Variants in RGS22 observed in about 807,000 individuals in gnomAD.
RGS22 encodes the protein regulator of G protein signaling 22.
Under a neutral mutation model 172.9 loss-of-function variants are expected in RGS22, and 148 were observed. That is an observed-to-expected ratio of 0.86 (90% CI 0.75 to 0.98). RGS22 has a LOEUF of 0.98. Among genes scored for constraint, RGS22 ranks in the 50% least tolerant of loss-of-function variants. The pLI is 0.00. For missense variants in RGS22, 1,347 were observed against 1,440.8 expected, an observed-to-expected ratio of 0.93 and a Z score of 1.05; for synonymous variants, 458 against 480.2, an observed-to-expected ratio of 0.95 and a Z score of 0.60.
At chr8:100,092,916 T>G (rs1812691298) in intron 3 of RGS22, among the ~76,000 whole-genome samples, 1 of 152,192 alleles carries the variant, frequency 6.6e-6, no homozygotes, top group African/African-American at 2.4e-5. Flanking sequence ...AAATTCCACT[T>G]TAAGTTCTAT....
intron 14 of RGS22, among the ~76,000 whole-genome samples, chr8:100,023,338 G>A (rs1231791887): frequency 6.6e-6 from 1 of 152,002 alleles, no homozygotes; most frequent in Non-Finnish European, 1.5e-5. Flanking sequence ...GTACTTCAAG[G>A]GCATGTCAAG....
chr8:99,999,756 C>T (rs1192456635), intron 18 of RGS22, among the ~76,000 whole-genome samples: 1 of 152,164 alleles, frequency 6.6e-6, no homozygotes, highest in Non-Finnish European at 1.5e-5. Context: ...AAAATGAGGA[C>T]ATTAGTCTAT....
intron 3 of RGS22, among the ~76,000 whole-genome samples, chr8:100,083,847 T>G (rs1586244124): frequency 8.0e-6 from 1 of 124,440 alleles, no homozygotes; most frequent in Admixed American, 8.6e-5. Flanking sequence ...TTTTTTTTTT[T>G]TGTTTTTTGT....
intron 20 of RGS22, among the ~76,000 whole-genome samples, chr8:99,989,371 C>T (rs1813438523): frequency 6.6e-6 from 1 of 152,166 alleles, no homozygotes; most frequent in African/African-American, 2.4e-5. Context: ...GGTTTTAAGT[C>T]ACCAAAATGA....
rs754870537 is a variant in RGS22 at position 100,008,495 on chromosome 8, A to C, written c.2241T>G (p.Ile747Met). 4.3e-6 allele frequency: 7 copies of C among 1,613,404 alleles called. No homozygotes were observed. The highest frequency in any genetic ancestry group is 1.3e-5 in the African/African-American group (1 of 74,942). ...IGLQQEKKKE[I>M]YMKIQPPFED... The stretch of plus-strand genomic sequence containing the variant: ...CAAATGGTGGCTGTATTTTCATATA[A>C]ATTTCTTTTTTCTTTTCCTGTTGGA... The change falls in exon 15 of 28, where the codon ATT (isoleucine) becomes ATG (methionine). Residue 747 changes from isoleucine (I) to methionine (M), a missense_variant. Ile to Met is a conservative substitution (Grantham distance 10). Transcript: ENST00000360863.
At position 100,028,276 on chromosome 8, in the gene RGS22, T is replaced by C. The variant is rs115211674; in HGVS notation, c.2166+10655A>G. The stretch of plus-strand genomic sequence containing the variant: ...CTCGGCCATGCACTTAAAAGTACAT[T>C]TGTTATATTTTATCCAGCATTTCTA... On this transcript the variant is annotated intron_variant, in intron 14 of 27. Coordinates refer to ENST00000360863, the MANE Select transcript of RGS22 (RefSeq NM_015668.5). Among the ~76,000 whole-genome samples, 902 of 152,210 alleles carry C rather than the reference T, an allele frequency of 5.9e-3. 6 individuals carry two copies. The highest frequency in any genetic ancestry group is 0.021 in the African/African-American group (863 of 41,534).
intron 3 of RGS22, among the ~76,000 whole-genome samples, chr8:100,083,830 C>CTTTTTTTTTTTTTTTTTTTTT (rs59603032): frequency 1.6e-5 from 2 of 126,048 alleles, no homozygotes; most frequent in Non-Finnish European, 3.3e-5. Context: ...AATTTCTTTT[C>CTTTTTTTTTTTTTTTTTTTTT]TTTTTTTTTT....
chr8:100,038,964 T>C lies in RGS22; in HGVS notation c.2133A>G (p.Thr711=), dbSNP rs1310158222. 6.2e-7 allele frequency: 1 copy of C among 1,612,342 alleles called. No homozygotes were observed. The highest frequency in any genetic ancestry group is 8.5e-7 in the Non-Finnish European group (1 of 1,179,068). The part of the protein sequence containing the change: ...QAYHQLFYQE[T]LQPFKVCKQA... ...GCTTGCATACTTTAAAAGGCTGAAGTGTTTCTTGGTAGAAAAGCTGATGAT... is the reference window on the plus strand; with the variant it reads ...GCTTGCATACTTTAAAAGGCTGAAGCGTTTCTTGGTAGAAAAGCTGATGAT... Residue 711 remains threonine, a synonymous_variant, in exon 14 of 28, where the codon ACA becomes ACG. Coordinates refer to ENST00000360863, the MANE Select transcript of RGS22 (RefSeq NM_015668.5).
At chr8:100,062,286 AC>A (rs1244003010) in intron 9 of RGS22, among the ~76,000 whole-genome samples, 3 of 152,090 alleles carry the variant, frequency 2.0e-5, no homozygotes, top group Admixed American at 2.0e-4. Context: ...CTGCACATGT[AC>A]CCCTGTACTT....
chr8:100,086,020 T>G (rs565940072), intron 3 of RGS22, among the ~76,000 whole-genome samples: 3 of 152,114 alleles, frequency 2.0e-5, no homozygotes, highest in East Asian at 1.9e-4. Context: ...TTAAGGAAGA[T>G]GTATAGGGAA....
At chr8:99,986,257 G>A (rs1259978739) in intron 21 of RGS22, among the ~76,000 whole-genome samples, 2 of 152,038 alleles carry the variant, frequency 1.3e-5, no homozygotes, top group Non-Finnish European at 2.9e-5. Flanking sequence ...TAATATTATA[G>A]TCTCAGCTGA....
At chr8:99,993,855 G>A (rs573343189) in intron 20 of RGS22, among the ~76,000 whole-genome samples, 4 of 152,204 alleles carry the variant, frequency 2.6e-5, no homozygotes, top group South Asian at 2.1e-4. Context: ...ACATCGATGC[G>A]AAAATCCTCA....
intron 16 of RGS22, among the ~76,000 whole-genome samples, chr8:100,005,465 A>G (rs2131351529): frequency 6.6e-6 from 1 of 152,252 alleles, no homozygotes; most frequent in South Asian, 2.1e-4. Flanking sequence ...ATTTAATTTT[A>G]TGGCTTTAAG....
At chr8:100,003,492 G>A (rs1331703311) in intron 17 of RGS22, among the ~76,000 whole-genome samples, 1 of 151,826 alleles carries the variant, frequency 6.6e-6, no homozygotes, top group African/African-American at 2.4e-5. Context: ...AAGGTTCCAA[G>A]ATTCTGGGTA....
At chr8:100,058,586 C>A (rs1416246770) in intron 9 of RGS22, among the ~76,000 whole-genome samples, 1 of 152,044 alleles carries the variant, frequency 6.6e-6, no homozygotes, top group Non-Finnish European at 1.5e-5. Flanking sequence ...AACTTTTGCA[C>A]CAACCTAATA....
intron 10 of RGS22, among the ~76,000 whole-genome samples, chr8:100,051,833 ATGTT>A (rs1296188607): frequency 6.8e-4 from 36 of 53,154 alleles, no homozygotes; most frequent in African/African-American, 3.6e-3. Flanking sequence ...TTATATATAA[ATGTT>A]TATATATTTA....
At chr8:100,038,819 A>T (rs1819784712) in intron 14 of RGS22, 112 bp downstream of exon 14, 2 of 493,034 alleles carry the variant, frequency 4.1e-6, no homozygotes, top group Admixed American at 3.9e-5. Flanking sequence ...GCAACAATTT[A>T]ATTGCTGCCT....
At position 99,965,336 on chromosome 8, in the gene RGS22, T is replaced by A. The variant is rs1810613275; in HGVS notation, c.3614A>T (p.Gln1205Leu). 1.2e-6 allele frequency: 2 copies of A among 1,609,858 alleles called. No homozygotes were observed. The highest frequency in any genetic ancestry group is 1.7e-5 in the Admixed American group (1 of 59,970). Reference protein sequence around the residue: ...SFLGLQPYGRQPTWCYSKYIE... With the variant: ...SFLGLQPYGRLPTWCYSKYIE... ...GTCTGCACCATCTTGCATGCTTACC[T>A]GTCGGCCATATGGTTGGAGGCCTAG... The change falls in exon 24 of 28, where the codon CAG becomes CTG. Residue 1205 changes from glutamine (Q) to leucine (L), a missense_variant and splice_region_variant. Gln to Leu is a moderately radical substitution (Grantham distance 113). Transcript: ENST00000360863.
chr8:100,052,458 T>C (rs1821767120), intron 10 of RGS22, among the ~76,000 whole-genome samples: 2 of 151,298 alleles, frequency 1.3e-5, no homozygotes. Flanking sequence ...CCCGCCACCA[T>C]GCCCTGCTAA....
Sources: allele counts gnomAD v4.1 joint callset (sites outside exome capture counted in the v4.1 genomes callset), GRCh38; gene constraint gnomAD v4.1.1; transcripts MANE v1.5; gene names NCBI Gene and HGNC (gene_info 2026-07-23, HGNC 2026-07-21).